The following MDN1 variants were observed in gnomAD, a reference collection of about 807,000 sequenced individuals.
The protein encoded by MDN1 is midasin AAA ATPase 1, also known as midasin.
In MDN1, 266 loss-of-function variants were observed where a neutral mutation model predicts 669.2. That is an observed-to-expected ratio of 0.40 (90% CI 0.36 to 0.44). The LOEUF (loss-of-function observed/expected upper bound fraction) is 0.44. MDN1 is among the 20% of genes least tolerant of loss of function. The probability of loss-of-function intolerance (pLI) is 1.00; values close to 1 mark genes in which losing one functional copy is unlikely to be tolerated. For synonymous variants in MDN1, 2,385 were observed against 2,457.1 expected (o/e 0.97, Z 0.87); for missense variants, 5,940 against 6,754.0 (o/e 0.88, Z 4.22).
chr6:89,658,709 T>C lies in MDN1; in HGVS notation c.14922A>G (p.Glu4974=). 6.2e-7 allele frequency: 1 copy of C among 1,614,182 alleles called. No individual in the cohort carries two copies. Among genetic ancestry groups the C allele is most frequent in the Non-Finnish European group, 8.5e-7 (1 of 1,180,026 alleles). ...CAGACTGCTGCTGCTCCTCAGAGTG[T>C]TCTTCAGGATGCTGAGCAGCATCTC... ...QDGDAAQHPE[E]HSEEQQQSVE... Residue 4974 remains glutamate, a synonymous_variant, in exon 89 of 102, where the codon GAA becomes GAG. Transcript: ENST00000369393.
chr6:89,755,346 C>A (rs1332793952), intron 20 of MDN1, among the ~76,000 whole-genome samples: 1 of 145,864 alleles, frequency 6.9e-6, no homozygotes. Flanking sequence ...GGGTTTAAGA[C>A]CAGCCTGCAC....
In MDN1 at chr6:89,684,051, A is replaced by C. The variant is rs146489308; in HGVS notation, c.11830-147T>G. ...GTGAACAAGTAAAACAAGTCTAAAAAAGAAACCATGGGCTAGGCGCGGTGG... is the reference window on the plus strand; with the variant it reads ...GTGAACAAGTAAAACAAGTCTAAAACAGAAACCATGGGCTAGGCGCGGTGG... On this transcript the variant is annotated intron_variant, in intron 71 of 101. Transcript: ENST00000369393. 1,654 of 656,166 alleles carry C rather than the reference A, an allele frequency of 2.5e-3. 15 individuals are homozygous for C. Among genetic ancestry groups the C allele is most frequent in the East Asian group, 6.7e-3 (236 of 35,462 alleles). The allele number at this position is 656,166 out of a possible 1,614,324, so 40.6% of individuals were successfully genotyped here. A position where few individuals can be genotyped will look rare whatever the true frequency, so the allele number is the denominator to read the frequency against.
chr6:89,677,561 CAG>C lies in MDN1; in HGVS notation c.12539+7_12539+8del, dbSNP rs1811286642. ...AAGTAGGGAAAAAACAAAACAAAAA[CAG>C]ACAAACCTAGAATCAGCCTCCTGAG... On this transcript the variant is annotated splice_region_variant and intron_variant, in intron 76 of 101. Transcript: ENST00000369393. The C allele has an allele frequency of 2.5e-6, 4 of 1,612,868 alleles. No individual in the cohort carries two copies. In the African/African-American group the frequency reaches 5.3e-5, roughly 22 times the overall value.
intron 1 of MDN1, among the ~76,000 whole-genome samples, chr6:89,809,690 C>T (rs1256675336): frequency 6.6e-6 from 1 of 151,470 alleles, no homozygotes; most frequent in Non-Finnish European, 1.5e-5. Context: ...GCAGGAGAAT[C>T]GCTTGAACCC....
intron 95 of MDN1, among the ~76,000 whole-genome samples, chr6:89,651,569 T>C (rs573976531): frequency 1.1e-4 from 16 of 152,164 alleles, no homozygotes; most frequent in Admixed American, 6.5e-4. Context: ...TGAGCCGAGA[T>C]TGCGCCACTG....
At position 89,785,104 on chromosome 6, in the gene MDN1, A is replaced by G. The variant is rs200653256; in HGVS notation, c.1357T>C (p.Trp453Arg). 1.2e-4 allele frequency: 190 copies of G among 1,613,780 alleles called. No homozygotes were observed. Among genetic ancestry groups the G allele is most frequent in the Non-Finnish European group, 1.4e-4 (163 of 1,179,786 alleles). Residue 453 changes from tryptophan to arginine, a missense_variant, in exon 9 of 102, where the codon TGG (tryptophan) becomes CGG (arginine). Transcript: ENST00000369393. ...TRRLLSCGGN[W>R]YRPLNSHATL... Reference sequence around the variant, plus strand: ...GCATGACTGTTTAGCGGTCGATACCAATTTCCTCCACAGCTCAAGAGTCTA... The same window carrying G: ...GCATGACTGTTTAGCGGTCGATACCGATTTCCTCCACAGCTCAAGAGTCTA...
chr6:89,752,366 C>G (rs1426998759), intron 22 of MDN1, among the ~76,000 whole-genome samples: 1 of 152,152 alleles, frequency 6.6e-6, no homozygotes, highest in Non-Finnish European at 1.5e-5. Flanking sequence ...AAAAGCAAAC[C>G]TGAGTCTTTA....
chr6:89,678,851 A>G, intron 74 of MDN1, 106 bp from the exon 75 acceptor site: 1 of 1,184,810 alleles, frequency 8.4e-7, no homozygotes, highest in Non-Finnish European at 1.2e-6. Flanking sequence ...ACAAAGGCCA[A>G]GTATCATTCA....
chr6:89,674,475 G>A lies in MDN1; in HGVS notation c.12876C>T (p.His4292=). ...GCAGGATCTGGCACTGCATGGCCAG[G>A]TGCTGCAGGCGCTCTGTCCACTGCT... ...GVQQWTERLQ[H]LAMQCQILLE... is the part of the protein sequence containing the mutation. Residue 4292 remains histidine, a synonymous_variant, in exon 79 of 102, where the codon CAC becomes CAT. Transcript: ENST00000369393. The A allele has an allele frequency of 1.2e-6, 2 of 1,613,474 alleles. No homozygotes were observed.
chr6:89,692,974 C>T lies in MDN1; in HGVS notation c.10056G>A (p.Gln3352=), dbSNP rs1173542598. ...AVQDLLTRLL[Q]ALHIDGPRSA... is the part of the protein sequence containing the mutation. ...ACCGTGGCCCATCTATGTGGAGGGC[C>T]TGCAGAAGCCGTGTGAGCAGATCCT... Residue 3352 remains glutamine, a synonymous_variant, in exon 63 of 102, where the codon CAG becomes CAA. Transcript: ENST00000369393. The T allele has an allele frequency of 2.5e-6, 4 of 1,614,038 alleles. No individual in the cohort carries two copies. The highest frequency in any genetic ancestry group is 2.7e-5 in the African/African-American group (2 of 74,932).
In MDN1 at chr6:89,644,046, T is replaced by C. The variant is rs369717762; in HGVS notation, c.16750A>G (p.Arg5584Gly). ...GCTGTCACCAACTCAAACCACTGTC[T>C]GAGGGCATCGCTGAGTGTCTCAGGA... ...ALPETLSDAL[R>G]QWFELVTASD... The change falls in exon 102 of 102, where the codon AGA (arginine) becomes GGA (glycine). Residue 5584 changes from arginine to glycine, a missense_variant. By Grantham distance (125) the Arg-to-Gly change is moderately radical (BLOSUM62 -2). Coordinates refer to ENST00000369393, the MANE Select transcript of MDN1 (RefSeq NM_014611.3). 3 of 1,613,828 alleles carry C rather than the reference T, an allele frequency of 1.9e-6. No homozygotes were observed. In the African/African-American group the frequency reaches 4.0e-5, roughly 22 times the overall value.
intron 76 of MDN1, 83 bp downstream of exon 76, chr6:89,677,487 G>T: frequency 6.5e-7 from 1 of 1,541,220 alleles, no homozygotes; most frequent in Admixed American, 1.9e-5. Context: ...CCCTATTTTT[G>T]CAATGTGCAA....
chr6:89,650,205 A>T lies in MDN1; in HGVS notation c.16032-7T>A. 2 of 1,598,844 alleles carry T rather than the reference A, an allele frequency of 1.3e-6. No individual in the cohort carries two copies. The highest frequency in any genetic ancestry group is 1.7e-6 in the Non-Finnish European group (2 of 1,173,140). On this transcript the variant is annotated splice_polypyrimidine_tract_variant and splice_region_variant and intron_variant, in intron 96 of 101. Transcript: ENST00000369393. ...CCCAGTTCGATAGTCTCCTCTATTT[A>T]TTCAAATGGGGGCAAAAATTAGTTA...
chr6:89,713,783 T>A (rs916537585), intron 46 of MDN1, among the ~76,000 whole-genome samples: 1 of 152,148 alleles, frequency 6.6e-6, no homozygotes, highest in African/African-American at 2.4e-5. Context: ...GCATGGTGGC[T>A]CACGCTTGTA....
In MDN1 at chr6:89,661,436, CCTT is replaced by C. The variant is rs773285834; in HGVS notation, c.14705_14707del (p.Glu4902del). ...TTTGTTTCTGAAAGACGCACCTTCT[CCTT>C]CTTCATTGTCGGTGTCCTCACCACC... On this transcript the variant is annotated inframe_deletion, in exon 88 of 102. Transcript: ENST00000369393. 1.4e-4 allele frequency: 224 copies of C among 1,611,130 alleles called. No homozygotes were observed. Among genetic ancestry groups the C allele is most frequent in the Non-Finnish European group, 1.8e-4 (215 of 1,179,244 alleles).
At chr6:89,799,177 A>G (rs17506550) in intron 2 of MDN1, among the ~76,000 whole-genome samples, 15,199 of 152,218 alleles carry the variant, frequency 0.1, 980 homozygotes, top group South Asian at 0.16. Flanking sequence ...CACATGGACC[A>G]TGTCTTTGAA....
chr6:89,788,922 G>A (rs375633752), intron 7 of MDN1, among the ~76,000 whole-genome samples: 21 of 152,028 alleles, frequency 1.4e-4, no homozygotes, highest in African/African-American at 5.1e-4. Context: ...TCAGGAGTTC[G>A]TGACCAGCCT....
intron 44 of MDN1, 72 bp from the exon 45 acceptor site, chr6:89,715,841 G>A: frequency 1.0e-6 from 1 of 952,782 alleles, no homozygotes; most frequent in Non-Finnish European, 1.7e-6. Flanking sequence ...CCATGCACGG[G>A]GCTCCAAATG....
At position 89,644,044 on chromosome 6, in the gene MDN1, T is replaced by G. The variant is rs148172279; in HGVS notation, c.16752A>C (p.Arg5584Ser). The change falls in exon 102 of 102, where the codon AGA becomes AGC. Residue 5584 changes from arginine to serine, a missense_variant. By Grantham distance (110) the Arg-to-Ser change is moderately radical (BLOSUM62 -1). Coordinates refer to ENST00000369393, the MANE Select transcript of MDN1 (RefSeq NM_014611.3). ...AGGCTGTCACCAACTCAAACCACTGTCTGAGGGCATCGCTGAGTGTCTCAG... is the reference window on the plus strand; with the variant it reads ...AGGCTGTCACCAACTCAAACCACTGGCTGAGGGCATCGCTGAGTGTCTCAG... Reference protein sequence around the residue: ...ALPETLSDALRQWFELVTASD... With the variant: ...ALPETLSDALSQWFELVTASD... The G allele has an allele frequency of 1.2e-6, 2 of 1,613,732 alleles. No individual in the cohort carries two copies. The highest frequency in any genetic ancestry group is 2.7e-5 in the African/African-American group (2 of 74,894).
Sources: gnomAD v4.1 joint callset for allele counts (sites outside exome capture counted in the v4.1 genomes callset) on GRCh38, gnomAD v4.1.1 for gene constraint, MANE v1.5 for transcripts, NCBI Gene and HGNC (gene_info 2026-07-23, HGNC 2026-07-21) for gene names.